CLEC16A: variants seen among roughly 807,000 people sequenced by gnomAD.
CLEC16A encodes the protein protein CLEC16A.
In CLEC16A, 51 loss-of-function variants were observed where a neutral mutation model predicts 109.5. That is an observed-to-expected ratio of 0.47 (90% CI 0.37 to 0.59). The LOEUF (loss-of-function observed/expected upper bound fraction) is 0.59. CLEC16A is among the 20% of genes least tolerant of loss of function. The pLI, the probability that CLEC16A is intolerant of heterozygous loss-of-function variation, is 0.00. For synonymous variants in CLEC16A, 673 were observed against 564.2 expected (o/e 1.19, Z -2.73); for missense variants, 1,339 against 1,394.0 (o/e 0.96, Z 0.63).
intron 18 of CLEC16A, among the ~76,000 whole-genome samples, chr16:11,057,891 A>G (rs1287518076): frequency 1.3e-5 from 2 of 152,168 alleles, no homozygotes; most frequent in East Asian, 1.9e-4. Context: ...CCCCATCTGT[A>G]AAATAGGAAC....
intron 10 of CLEC16A, among the ~76,000 whole-genome samples, chr16:11,002,741 CAGTA>C (rs1300710852): frequency 3.3e-5 from 5 of 152,140 alleles, no homozygotes; most frequent in African/African-American, 1.2e-4. Flanking sequence ...TGAGAATATG[CAGTA>C]AGTGTCTGAG....
intron 19 of CLEC16A, among the ~76,000 whole-genome samples, chr16:11,065,271 T>A (rs1465012956): frequency 6.6e-6 from 1 of 152,152 alleles, no homozygotes; most frequent in Non-Finnish European, 1.5e-5. Flanking sequence ...ATCTGTCCAT[T>A]ATCCATACAC....
intron 20 of CLEC16A, among the ~76,000 whole-genome samples, chr16:11,122,818 G>C (rs986447309): frequency 1.3e-5 from 2 of 149,846 alleles, no homozygotes; most frequent in African/African-American, 4.9e-5. Flanking sequence ...ATTATATTTT[G>C]CTACATGTTC....
intron 19 of CLEC16A, among the ~76,000 whole-genome samples, chr16:11,072,198 T>C (rs1339693246): frequency 3.9e-5 from 6 of 152,302 alleles, no homozygotes; most frequent in Admixed American, 3.9e-4. Flanking sequence ...CTTGGCTCAC[T>C]GCAGCCTCGA....
chr16:10,945,019 C>CA (rs1220829325), intron 1 of CLEC16A, among the ~76,000 whole-genome samples: 3 of 152,326 alleles, frequency 2.0e-5, no homozygotes, highest in South Asian at 4.1e-4. Context: ...CTTAATTTCT[C>CA]AGAGTCTCCG....
At chr16:11,077,181 C>A (rs2049422559) in intron 19 of CLEC16A, among the ~76,000 whole-genome samples, 1 of 151,710 alleles carries the variant, frequency 6.6e-6, no homozygotes, top group African/African-American at 2.4e-5. Context: ...CTTTTCTCTA[C>A]TAAAAAGGTC....
rs72650660 is a variant in CLEC16A at position 11,020,335 on chromosome 16, C to G, written c.1436+10C>G. 3.8e-6 allele frequency: 6 copies of G among 1,599,918 alleles called. No homozygotes were observed. The highest frequency in any genetic ancestry group is 4.5e-5 in the East Asian group (2 of 44,072). Reference sequence around the variant, plus strand: ...GCACGCAATGGAGCAGGTAGCTGCCCGAGAGGTCGATGCTGAGTGCTCTCT... The same window carrying G: ...GCACGCAATGGAGCAGGTAGCTGCCGGAGAGGTCGATGCTGAGTGCTCTCT... On this transcript the variant is annotated intron_variant, in intron 12 of 23. Transcript: ENST00000409790.
chr16:11,156,404 C>T (rs2054521759), intron 22 of CLEC16A, among the ~76,000 whole-genome samples: 5 of 151,634 alleles, frequency 3.3e-5, no homozygotes, highest in Admixed American at 3.3e-4. Context: ...TAATCTGCCA[C>T]TCCTTGGCCA....
At chr16:11,082,028 T>C (rs2049749346) in intron 19 of CLEC16A, among the ~76,000 whole-genome samples, 1 of 151,912 alleles carries the variant, frequency 6.6e-6, no homozygotes, top group Non-Finnish European at 1.5e-5. Flanking sequence ...TGAGAATCCG[T>C]CTAAAAAAAA....
intron 22 of CLEC16A, among the ~76,000 whole-genome samples, chr16:11,165,990 T>G (rs2068244860): frequency 6.6e-6 from 1 of 152,070 alleles, no homozygotes; most frequent in Non-Finnish European, 1.5e-5. Context: ...TCCGGTGCCC[T>G]TCCTTGGACA....
intron 19 of CLEC16A, among the ~76,000 whole-genome samples, chr16:11,117,343 C>G (rs75296909): frequency 6.2e-4 from 94 of 152,230 alleles, no homozygotes; most frequent in Non-Finnish European, 1.2e-3. Context: ...GAAGAAACAA[C>G]AAAACATCTC....
intron 10 of CLEC16A, among the ~76,000 whole-genome samples, chr16:10,984,661 G>A (rs554300210): frequency 1.4e-4 from 21 of 152,294 alleles, no homozygotes; most frequent in African/African-American, 3.6e-4. Flanking sequence ...GACAACACAC[G>A]GTCTGGCAAA....
In CLEC16A at chr16:11,101,364, C is replaced by A. The variant is rs552236984; in HGVS notation, c.2117-19251C>A. Among the ~76,000 whole-genome samples, 13 of 152,340 alleles carry A rather than the reference C, an allele frequency of 8.5e-5. No individual in the cohort carries two copies. The South Asian group carries it at 2.5e-3, about 29-fold the overall frequency. On this transcript the variant is annotated intron_variant, in intron 19 of 23. Transcript: ENST00000409790. The stretch of plus-strand genomic sequence containing the variant: ...GTCCTCACTGCCCTCTTCCTCATAT[C>A]CCAGCCCCAACAAAGGACAGGAGTT...
chr16:11,169,309 C>CA (rs1206064469), intron 23 of CLEC16A, among the ~76,000 whole-genome samples: 3 of 152,164 alleles, frequency 2.0e-5, no homozygotes, highest in South Asian at 2.1e-4. Flanking sequence ...TTTTTTGAGA[C>CA]AGAGTCTTGC....
chr16:11,002,917 A>G (rs1388647683), intron 10 of CLEC16A, among the ~76,000 whole-genome samples, 157 bp from the exon 11 acceptor site: 10 of 152,016 alleles, frequency 6.6e-5, no homozygotes, highest in Admixed American at 3.9e-4. Flanking sequence ...GCTATTGTGA[A>G]TAGTCCCGCA....
chr16:10,956,980 A>G (rs564134650), intron 1 of CLEC16A, among the ~76,000 whole-genome samples: 4 of 152,114 alleles, frequency 2.6e-5, no homozygotes, highest in Non-Finnish European at 5.9e-5. Context: ...TATTTTTAGT[A>G]GAGACAGGGT....
chr16:11,161,411 A>G (rs1489225290), intron 22 of CLEC16A, among the ~76,000 whole-genome samples: 8 of 152,208 alleles, frequency 5.3e-5, no homozygotes, highest in African/African-American at 1.9e-4. Flanking sequence ...AAAAGAAGCA[A>G]AACAGAACTC....
chr16:11,102,871 A>C (rs75302465), intron 19 of CLEC16A, among the ~76,000 whole-genome samples: 4,491 of 152,338 alleles, frequency 0.029, 229 homozygotes, highest in African/African-American at 0.1. Context: ...CAGTATTGTT[A>C]ATATCACCTC....
chr16:11,151,269 A>G (rs181710325), intron 22 of CLEC16A, among the ~76,000 whole-genome samples: 1 of 152,334 alleles, frequency 6.6e-6, no homozygotes, highest in Admixed American at 6.5e-5. Context: ...TCCTCCAGAA[A>G]CCATTCCTTA....
Sources: allele counts gnomAD v4.1 joint callset (sites outside exome capture counted in the v4.1 genomes callset), GRCh38; gene constraint gnomAD v4.1.1; transcripts MANE v1.5; gene names NCBI Gene and HGNC (gene_info 2026-07-23, HGNC 2026-07-21).